Variants in EVL observed in about 807,000 individuals in gnomAD.
The protein encoded by EVL is Enah/Vasp-like.
In EVL, 21 loss-of-function variants were observed where a neutral mutation model predicts 59.6. That is an observed-to-expected ratio of 0.35 (90% CI 0.25 to 0.51). The LOEUF is 0.51. Ranked by LOEUF, EVL falls within the 20% of genes least tolerant of loss-of-function variation. EVL has a pLI of 0.97. For synonymous variants in EVL, 198 were observed against 203.5 expected (o/e 0.97, Z 0.23); for missense variants, 462 against 546.6 (o/e 0.85, Z 1.54).
intron 1 of EVL, among the ~76,000 whole-genome samples, chr14:99,991,557 T>C (rs1241266649): frequency 6.6e-6 from 1 of 152,232 alleles, no homozygotes; most frequent in Non-Finnish European, 1.5e-5. Context: ...AGAATTACTA[T>C]ATTTTGTAAA....
intron 3 of EVL, among the ~76,000 whole-genome samples, chr14:100,121,524 G>C (rs73349556): frequency 6.6e-6 from 1 of 152,206 alleles, no homozygotes; most frequent in East Asian, 1.9e-4. Context: ...CAAGCCTTAC[G>C]TAATCAGTGC....
chr14:99,975,789 C>T (rs749891396), intron 1 of EVL, among the ~76,000 whole-genome samples: 4 of 152,304 alleles, frequency 2.6e-5, no homozygotes, highest in South Asian at 2.1e-4. Context: ...GGCCATGGAC[C>T]GATACTAGTT....
intron 1 of EVL, among the ~76,000 whole-genome samples, chr14:100,048,084 G>A (rs138434549): frequency 0.011 from 1,687 of 152,272 alleles, 39 homozygotes; most frequent in Admixed American, 0.039. Context: ...AGACATGACA[G>A]CGAAAGCACC....
At chr14:100,093,679 A>T (rs2062611319) in intron 2 of EVL, among the ~76,000 whole-genome samples, 1 of 152,206 alleles carries the variant, frequency 6.6e-6, no homozygotes, top group Admixed American at 6.5e-5. Flanking sequence ...GCACTCTCTC[A>T]GTCCCATATC....
rs1240525643 is a variant in EVL, at chr14:100,047,146, A to G, written c.6-37541A>G. Among the ~76,000 whole-genome samples the G allele has an allele frequency of 6.0e-4, 25 of 41,790 alleles. No homozygotes were observed. In the East Asian group the frequency reaches 0.023, roughly 39 times the overall value. The allele number at this position is 41,790 out of a possible 152,430, so 27.4% of individuals were successfully genotyped here. A position where few individuals can be genotyped will look rare whatever the true frequency, so the allele number is the denominator to read the frequency against. On this transcript the variant is annotated intron_variant, in intron 1 of 13. Transcript: ENST00000402714. ...TTTTTTTTTTTTTTTTTTTTTTTTTACCTGACCCCAGTTTCTTCAGGAAGC... is the reference window on the plus strand; with the variant it reads ...TTTTTTTTTTTTTTTTTTTTTTTTTGCCTGACCCCAGTTTCTTCAGGAAGC...
intron 1 of EVL, among the ~76,000 whole-genome samples, chr14:100,060,310 A>C (rs1015619732): frequency 6.6e-6 from 1 of 151,816 alleles, no homozygotes; most frequent in Non-Finnish European, 1.5e-5. Flanking sequence ...GGGCGCCTGT[A>C]GTCCCAGCTA....
intron 2 of EVL, among the ~76,000 whole-genome samples, chr14:100,089,373 T>C (rs1222364364): frequency 1.3e-5 from 2 of 152,222 alleles, no homozygotes; most frequent in African/African-American, 2.4e-5. Context: ...ATAGACCATA[T>C]GCTGGGCCAT....
intron 3 of EVL, among the ~76,000 whole-genome samples, chr14:100,117,446 T>G (rs1177000100): frequency 2.0e-5 from 3 of 152,240 alleles, no homozygotes; most frequent in Non-Finnish European, 2.9e-5. Context: ...TGTGCCCCGC[T>G]TGACCCTTCT....
chr14:100,028,540 C>T (rs369366010), intron 1 of EVL, among the ~76,000 whole-genome samples: 68 of 152,254 alleles, frequency 4.5e-4, no homozygotes, highest in African/African-American at 1.5e-3. Context: ...CGGCCGGGCG[C>T]GGTGGCTCAC....
intron 2 of EVL, 99 bp from the exon 3 acceptor site, chr14:100,097,382 G>A: frequency 9.5e-7 from 1 of 1,048,412 alleles, no homozygotes; most frequent in South Asian, 1.7e-5. Context: ...CCATCTTCCT[G>A]TCCTCTCAAG....
rs575010006 is a variant in EVL at position 100,032,411 on chromosome 14, A to G, written c.6-52276A>G. Reference sequence around the variant, plus strand: ...GATCCCTGGTATGAACAAAATACTAATCAATTCATCCCTACCCATGACCGA... The same window carrying G: ...GATCCCTGGTATGAACAAAATACTAGTCAATTCATCCCTACCCATGACCGA... On this transcript the variant is annotated intron_variant, in intron 1 of 13. Transcript: ENST00000402714. 1.2e-4 allele frequency among the ~76,000 whole-genome samples: 19 copies of G among 152,272 alleles called. No individual in the cohort carries two copies. In the East Asian group the frequency reaches 3.7e-3, roughly 29 times the overall value.
chr14:100,074,077 C>G (rs1230330692), intron 1 of EVL, among the ~76,000 whole-genome samples: 1 of 152,098 alleles, frequency 6.6e-6, no homozygotes, highest in African/African-American at 2.4e-5. Context: ...AAATCAGGGC[C>G]CGGAAACTGA....
chr14:100,118,672 G>T (rs548489182), intron 3 of EVL, among the ~76,000 whole-genome samples: 1 of 152,254 alleles, frequency 6.6e-6, no homozygotes, highest in South Asian at 2.1e-4. Flanking sequence ...TCTGCCCTGA[G>T]TCTGTCAGCT....
chr14:100,027,778 A>G (rs2061238528), intron 1 of EVL, among the ~76,000 whole-genome samples: 1 of 152,066 alleles, frequency 6.6e-6, no homozygotes, highest in Non-Finnish European at 1.5e-5. Context: ...AGGTTCATGC[A>G]GTTCTCGTGC....
intron 2 of EVL, among the ~76,000 whole-genome samples, chr14:100,092,866 A>C (rs539833831): frequency 6.6e-6 from 1 of 152,358 alleles, no homozygotes; most frequent in South Asian, 2.1e-4. Context: ...ACAGGAGTCC[A>C]TTTCTATGTA....
chr14:100,022,478 C>T (rs2061143097), intron 1 of EVL, among the ~76,000 whole-genome samples: 2 of 152,132 alleles, frequency 1.3e-5, no homozygotes, highest in Admixed American at 1.3e-4. Context: ...CAGGGTTTCA[C>T]CATGTTGGCC....
intron 1 of EVL, among the ~76,000 whole-genome samples, chr14:100,080,781 A>G (rs1038920177): frequency 5.3e-5 from 8 of 152,234 alleles, no homozygotes; most frequent in African/African-American, 1.9e-4. Flanking sequence ...ACTTAACACC[A>G]TGCAGAACAA....
intron 3 of EVL, among the ~76,000 whole-genome samples, chr14:100,101,514 A>G (rs1156608620): frequency 6.6e-6 from 1 of 151,558 alleles, no homozygotes; most frequent in Non-Finnish European, 1.5e-5. Context: ...GTGGTGACGC[A>G]TGCCTATAAT....
intron 1 of EVL, among the ~76,000 whole-genome samples, chr14:99,983,293 G>A (rs183898982): frequency 1.2e-4 from 19 of 152,320 alleles, no homozygotes; most frequent in African/African-American, 3.6e-4. Context: ...ATATTTGGAC[G>A]TAGAGGCGAT....
Sources: allele counts gnomAD v4.1 joint callset (sites outside exome capture counted in the v4.1 genomes callset), GRCh38; gene constraint gnomAD v4.1.1; transcripts MANE v1.5; gene names NCBI Gene and HGNC (gene_info 2026-07-23, HGNC 2026-07-21).